The following EYS variants were observed in gnomAD, a reference collection of about 807,000 sequenced individuals.
EYS encodes protein eyes shut homolog.
EYS carries 250 observed loss-of-function variants against 282.1 expected under a neutral mutation model. The observed-to-expected ratio is 0.89, with a 90% CI of 0.80 to 0.98. The LOEUF is 0.98. EYS is among the 50% of genes least tolerant of loss of function. The probability of loss-of-function intolerance (pLI) is 0.00; values close to 1 mark genes in which losing one functional copy is unlikely to be tolerated. For synonymous variants in EYS, 1,355 were observed against 1,282.9 expected (o/e 1.06, Z -1.20); for missense variants, 4,016 against 3,709.0 (o/e 1.08, Z -2.15).
At chr6:65,002,434 G>T (rs963751592) in intron 13 of EYS, among the ~76,000 whole-genome samples, 2 of 147,408 alleles carry the variant, frequency 1.4e-5, no homozygotes, top group African/African-American at 4.9e-5. Context: ...GAAAATTAAC[G>T]TGATATTAGT....
intron 34 of EYS, among the ~76,000 whole-genome samples, chr6:63,992,576 G>A (rs998870553): frequency 7.3e-5 from 11 of 151,658 alleles, no homozygotes; most frequent in Non-Finnish European, 1.3e-4. Flanking sequence ...AAATGTAAAT[G>A]TACTGCTATA....
chr6:63,996,197 C>A (rs1582099892), intron 34 of EYS, among the ~76,000 whole-genome samples: 1 of 151,962 alleles, frequency 6.6e-6, no homozygotes, highest in Non-Finnish European at 1.5e-5. Flanking sequence ...ACCTTGAGGA[C>A]TTTATGATAA....
At chr6:64,033,485 A>G (rs1421184273) in intron 33 of EYS, among the ~76,000 whole-genome samples, 1 of 152,186 alleles carries the variant, frequency 6.6e-6, no homozygotes, top group Non-Finnish European at 1.5e-5. Context: ...GTACTAATAA[A>G]TAAATTTCTA....
chr6:64,714,256 T>G (rs1289560430), intron 22 of EYS, among the ~76,000 whole-genome samples: 1 of 152,188 alleles, frequency 6.6e-6, no homozygotes, highest in Non-Finnish European at 1.5e-5. Flanking sequence ...CTTGAGTAAC[T>G]GGGTGATTAT....
intron 31 of EYS, among the ~76,000 whole-genome samples, chr6:64,143,356 TAAAAAAAAA>T (rs60699526): frequency 1.1e-5 from 1 of 89,802 alleles, no homozygotes; most frequent in African/African-American, 3.9e-5. Context: ...TCATTTATTG[TAAAAAAAAA>T]AAAAAAAAAA....
At chr6:65,086,708 T>C (rs1286286636) in intron 12 of EYS, among the ~76,000 whole-genome samples, 1 of 152,208 alleles carries the variant, frequency 6.6e-6, no homozygotes, top group Non-Finnish European at 1.5e-5. Context: ...GCATTATGTC[T>C]TCCTTAAATC....
intron 28 of EYS, among the ~76,000 whole-genome samples, chr6:64,432,539 TTATAA>T (rs1006458603): frequency 1.5e-4 from 22 of 150,704 alleles, no homozygotes; most frequent in African/African-American, 5.3e-4. Flanking sequence ...TAGTATATAA[TTATAA>T]TGTAATATAT....
chr6:65,378,521 A>G (rs1765479216), intron 8 of EYS, among the ~76,000 whole-genome samples: 1 of 152,174 alleles, frequency 6.6e-6, no homozygotes, highest in South Asian at 2.1e-4. Flanking sequence ...TGACCCAGCA[A>G]TCCCATTACT....
chr6:64,170,952 G>T (rs1442093517), intron 31 of EYS, among the ~76,000 whole-genome samples: 1 of 151,944 alleles, frequency 6.6e-6, no homozygotes, highest in Non-Finnish European at 1.5e-5. Flanking sequence ...GAGTATAAAG[G>T]CATTGTGCTT....
chr6:64,566,729 A>C (rs1270321248), intron 26 of EYS, among the ~76,000 whole-genome samples: 2 of 152,128 alleles, frequency 1.3e-5, no homozygotes, highest in East Asian at 3.9e-4. Context: ...GAAATTACAA[A>C]GCATTTGATC....
At chr6:64,032,400 A>G (rs941372807) in intron 33 of EYS, among the ~76,000 whole-genome samples, 4 of 152,128 alleles carry the variant, frequency 2.6e-5, no homozygotes, top group African/African-American at 7.2e-5. Flanking sequence ...TTGTGTGCTT[A>G]TTGGCCATTA....
rs557393374 is a variant in EYS at position 65,338,216 on chromosome 6, A to G, written c.1600-3070T>C. The stretch of plus-strand genomic sequence containing the variant: ...GACTAAAAAATAATTTTGGATTTCA[A>G]CATGATTTCTCATCTGTTCAGGTAG... On this transcript the variant is annotated intron_variant, in intron 10 of 42. Coordinates refer to ENST00000503581, the MANE Select transcript of EYS (RefSeq NM_001142800.2). Among the ~76,000 whole-genome samples the G allele has an allele frequency of 4.0e-5, 6 of 151,172 alleles. No individual in the cohort carries two copies. The South Asian group carries it at 1.2e-3, about 31-fold the overall frequency.
intron 22 of EYS, among the ~76,000 whole-genome samples, chr6:64,753,178 A>T (rs1772820618): frequency 6.6e-6 from 1 of 152,152 alleles, no homozygotes. Flanking sequence ...CTTATAAAAT[A>T]AGTATACAAT....
At chr6:65,664,053 G>T (rs1391576428) in intron 1 of EYS, among the ~76,000 whole-genome samples, 1 of 151,684 alleles carries the variant, frequency 6.6e-6, no homozygotes, top group South Asian at 2.1e-4. Flanking sequence ...TGTATTTTTA[G>T]TGGAGACGGG....
intron 31 of EYS, among the ~76,000 whole-genome samples, chr6:64,091,476 T>A (rs993156726): frequency 7.9e-5 from 12 of 152,122 alleles, no homozygotes; most frequent in African/African-American, 2.9e-4. Context: ...TTATTGAGGG[T>A]ACATGAGTAA....
intron 35 of EYS, among the ~76,000 whole-genome samples, chr6:63,865,857 A>G (rs1192476281): frequency 6.6e-6 from 1 of 152,204 alleles, no homozygotes; most frequent in Non-Finnish European, 1.5e-5. Flanking sequence ...GTTGTGAAAC[A>G]CTATGAAAGT....
intron 22 of EYS, among the ~76,000 whole-genome samples, chr6:64,629,551 C>T (rs1225196951): frequency 4.6e-5 from 7 of 151,786 alleles, no homozygotes; most frequent in African/African-American, 1.2e-4. Flanking sequence ...TTTCTTTCAC[C>T]GATATTTTAT....
intron 18 of EYS, among the ~76,000 whole-genome samples, chr6:64,898,522 C>T (rs1261382063): frequency 6.6e-6 from 1 of 151,940 alleles, no homozygotes; most frequent in African/African-American, 2.4e-5. Context: ...AGACCATTGA[C>T]ACTACGAAGA....
chr6:64,078,336 C>T (rs1771842295), intron 32 of EYS, among the ~76,000 whole-genome samples: 1 of 151,994 alleles, frequency 6.6e-6, no homozygotes, highest in South Asian at 2.1e-4. Flanking sequence ...GTTTTAATTG[C>T]TCCTACACAT....
Sources: gnomAD v4.1 joint callset for allele counts (sites outside exome capture counted in the v4.1 genomes callset) on GRCh38, gnomAD v4.1.1 for gene constraint, MANE v1.5 for transcripts, NCBI Gene and HGNC (gene_info 2026-07-23, HGNC 2026-07-21) for gene names.